PCNX1: variants seen among roughly 807,000 people sequenced by gnomAD.
PCNX1 encodes the protein pecanex-like protein 1.
Under a neutral mutation model 242.2 loss-of-function variants are expected in PCNX1, and 78 were observed. That is an observed-to-expected ratio of 0.32 (90% CI 0.27 to 0.39). PCNX1 has a LOEUF of 0.39. Among genes scored for constraint, PCNX1 ranks in the 10% least tolerant of loss-of-function variants. PCNX1 has a pLI of 1.00. For synonymous variants in PCNX1, 1,024 were observed against 1,032.9 expected (o/e 0.99, Z 0.17); for missense variants, 2,581 against 2,856.5 (o/e 0.90, Z 2.20).
chr14:71,038,965 C>T (rs1168842933), intron 19 of PCNX1, among the ~76,000 whole-genome samples: 1 of 150,830 alleles, frequency 6.6e-6, no homozygotes, highest in Non-Finnish European at 1.5e-5. Context: ...AGTAAACTAT[C>T]GCAAGAACAA....
chr14:71,078,519 C>G (rs986725411), intron 28 of PCNX1: 2 of 152,204 alleles, frequency 1.3e-5, no homozygotes, highest in Non-Finnish European at 2.9e-5. Context: ...ATTTCTTTCA[C>G]TTTGTTGTTA....
chr14:71,013,950 G>A (rs574372710), intron 11 of PCNX1, among the ~76,000 whole-genome samples: 1 of 152,302 alleles, frequency 6.6e-6, no homozygotes, highest in South Asian at 2.1e-4. Flanking sequence ...CTTAGAGAGA[G>A]AACCTTAGAG....
chr14:71,049,649 A>G (rs2060966106), intron 22 of PCNX1, among the ~76,000 whole-genome samples: 1 of 152,142 alleles, frequency 6.6e-6, no homozygotes, highest in African/African-American at 2.4e-5. Flanking sequence ...GATCCTGATT[A>G]TATTAGTGCC....
Position 70,932,359 on chromosome 14 carries a change from G to A in PCNX1, c.154-14556G>A, listed in dbSNP as rs560859497. ...GGAGATGTGAAGAAATGTAAACTTCGGGGTATCTTTGTGTTTTGAAAGGGT... is the reference window on the plus strand; with the variant it reads ...GGAGATGTGAAGAAATGTAAACTTCAGGGTATCTTTGTGTTTTGAAAGGGT... On this transcript the variant is annotated intron_variant, in intron 1 of 35. Transcript: ENST00000304743. Among the ~76,000 whole-genome samples the A allele has an allele frequency of 1.1e-4, 16 of 152,036 alleles. 1 individual carries two copies. The South Asian group carries it at 2.5e-3, about 24-fold the overall frequency.
At chr14:70,954,448 A>G (rs2057912001) in intron 2 of PCNX1, among the ~76,000 whole-genome samples, 1 of 152,142 alleles carries the variant, frequency 6.6e-6, no homozygotes, top group African/African-American at 2.4e-5. Context: ...GGAACTTGGT[A>G]TTTTTATTGG....
intron 33 of PCNX1, among the ~76,000 whole-genome samples, chr14:71,106,562 T>C (rs867691923): frequency 2.6e-5 from 4 of 151,534 alleles, no homozygotes; most frequent in Non-Finnish European, 4.4e-5. Context: ...TTTTTTTTTT[T>C]AAACCAGTTG....
intron 1 of PCNX1, among the ~76,000 whole-genome samples, chr14:70,942,393 C>G (rs2057289091): frequency 6.6e-6 from 1 of 152,142 alleles, no homozygotes; most frequent in African/African-American, 2.4e-5. Flanking sequence ...AATTATCTGA[C>G]AAATGTTTGC....
At chr14:71,074,011 C>G (rs2061649996) in intron 27 of PCNX1, among the ~76,000 whole-genome samples, 1 of 152,148 alleles carries the variant, frequency 6.6e-6, no homozygotes, top group Non-Finnish European at 1.5e-5. Flanking sequence ...TCTATTCATT[C>G]ATTAATAATA....
chr14:71,005,530 G>A (rs1328134091), intron 8 of PCNX1, among the ~76,000 whole-genome samples: 1 of 151,882 alleles, frequency 6.6e-6, no homozygotes, highest in East Asian at 1.9e-4. Context: ...GGGGGGTGGG[G>A]AATGCAATTG....
intron 1 of PCNX1, among the ~76,000 whole-genome samples, chr14:70,916,695 G>T (rs1404432714): frequency 1.3e-5 from 2 of 152,110 alleles, no homozygotes; most frequent in Non-Finnish European, 2.9e-5. Context: ...TTTTTTTGCT[G>T]GTGAAGGGTC....
chr14:70,949,254 C>T lies in PCNX1; in HGVS notation c.362+2131C>T, dbSNP rs1178581388. On this transcript the variant is annotated intron_variant, in intron 2 of 35. Transcript: ENST00000304743. ...GTATGTGTATATACACACGTGTATA[C>T]ACACACACGTGTATGCACACACGTG... Among the ~76,000 whole-genome samples, 231 of 120,948 alleles carry T rather than the reference C, an allele frequency of 1.9e-3. 1 individual carries two copies. The highest frequency in any genetic ancestry group is 6.7e-3 in the African/African-American group (211 of 31,554). The allele number at this position is 120,948 out of a possible 152,430, so 79.3% of individuals were successfully genotyped here. A position where few individuals can be genotyped will look rare whatever the true frequency, so the allele number is the denominator to read the frequency against.
At position 71,057,739 on chromosome 14, in the gene PCNX1, C is replaced by T. The variant is rs570166298; in HGVS notation, c.4852+15C>T. ...TGAATTCAGAGGTAAGACATTCATTCACCTTTTATTTCTGTAGCATACTCC... is the reference window on the plus strand; with the variant it reads ...TGAATTCAGAGGTAAGACATTCATTTACCTTTTATTTCTGTAGCATACTCC... On this transcript the variant is annotated intron_variant, in intron 26 of 35. Coordinates refer to ENST00000304743, the MANE Select transcript of PCNX1 (RefSeq NM_014982.3). 2 of 1,563,536 alleles carry T rather than the reference C, an allele frequency of 1.3e-6. No individual in the cohort carries two copies. The highest frequency in any genetic ancestry group is 1.4e-5 in the African/African-American group (1 of 74,044).
rs759625636 is a variant in PCNX1 at position 71,109,592 on chromosome 14, T to C, written c.6885T>C (p.His2295=). The C allele has an allele frequency of 1.1e-5, 17 of 1,614,124 alleles. No homozygotes were observed. The Middle Eastern group carries it at 4.9e-4, about 47-fold the overall frequency. The change falls in exon 35 of 36, where the codon CAT becomes CAC. Residue 2295 remains histidine (H), a splice_region_variant and synonymous_variant. Transcript: ENST00000304743. ...DWSPQEGMEG[H]VIHRWVPCSR... is the part of the protein sequence containing the mutation. ...GTCCGCAGGAGGGCATGGAAGGCCATGTAAGTTCTTTTACAAGCTGGCGGT... is the reference window on the plus strand; with the variant it reads ...GTCCGCAGGAGGGCATGGAAGGCCACGTAAGTTCTTTTACAAGCTGGCGGT...
intron 30 of PCNX1, among the ~76,000 whole-genome samples, chr14:71,096,712 A>G (rs1385006652): frequency 6.6e-6 from 1 of 152,188 alleles, no homozygotes; most frequent in Non-Finnish European, 1.5e-5. Flanking sequence ...AGAACTGCTT[A>G]TCAGTATATT....
chr14:71,085,269 A>C (rs995270203), intron 28 of PCNX1, among the ~76,000 whole-genome samples: 3 of 152,144 alleles, frequency 2.0e-5, no homozygotes, highest in African/African-American at 7.2e-5. Flanking sequence ...GGAGCTGTAG[A>C]CCGGAGCTGT....
At chr14:71,062,051 T>TTA (rs1343804826) in intron 26 of PCNX1, among the ~76,000 whole-genome samples, 5 of 152,210 alleles carry the variant, frequency 3.3e-5, no homozygotes, top group Non-Finnish European at 5.9e-5. Context: ...CAAAAGGTTT[T>TTA]CATTAATAGA....
intron 28 of PCNX1, chr14:71,085,435 A>G (rs1595470221): frequency 6.6e-6 from 1 of 152,280 alleles, no homozygotes. Context: ...AACACAAACT[A>G]TAAAGGACTA....
chr14:70,912,416 A>G (rs1205723896), intron 1 of PCNX1, among the ~76,000 whole-genome samples: 4 of 152,088 alleles, frequency 2.6e-5, no homozygotes, highest in Non-Finnish European at 5.9e-5. Context: ...AGGTAAGTTT[A>G]AATAACTTGA....
In PCNX1 at chr14:70,978,181, A is replaced by G; in HGVS notation, c.1844A>G (p.Gln615Arg). Residue 615 changes from glutamine to arginine, a missense_variant, in exon 6 of 36, where the codon CAG becomes CGG. Physicochemically the swap from Gln to Arg is conservative, Grantham distance 43 (BLOSUM62 1). Coordinates refer to ENST00000304743, the MANE Select transcript of PCNX1 (RefSeq NM_014982.3). Reference sequence around the variant, plus strand: ...GACTTGAGTAGAGCATCAAGTGTTCAGTCTGCTCACCAGTTCAGCAGTGAT... The same window carrying G: ...GACTTGAGTAGAGCATCAAGTGTTCGGTCTGCTCACCAGTTCAGCAGTGAT... ...QSDLSRASSV[Q>R]SAHQFSSDSS... 1 of 1,614,172 alleles carries G rather than the reference A, an allele frequency of 6.2e-7. No homozygotes were observed. The highest frequency in any genetic ancestry group is 8.5e-7 in the Non-Finnish European group (1 of 1,180,006).
Sources: allele counts gnomAD v4.1 joint callset (sites outside exome capture counted in the v4.1 genomes callset), GRCh38; gene constraint gnomAD v4.1.1; transcripts MANE v1.5; gene names NCBI Gene and HGNC (gene_info 2026-07-23, HGNC 2026-07-21).